The following STARD9 variants were observed in gnomAD, a reference collection of about 807,000 sequenced individuals.
STARD9 encodes stAR-related lipid transfer protein 9.
STARD9 carries 346 observed loss-of-function variants against 399.8 expected under a neutral mutation model. The observed-to-expected ratio is 0.87, with a 90% confidence interval of 0.79 to 0.95. The LOEUF (loss-of-function observed/expected upper bound fraction) is 0.95. Among genes scored for constraint, STARD9 ranks in the 40% least tolerant of loss-of-function variants. The pLI is 0.00. For synonymous variants in STARD9, 2,203 were observed against 2,143.5 expected (o/e 1.03, Z -0.77); for missense variants, 5,832 against 5,667.5 (o/e 1.03, Z -0.93).
intron 3 of STARD9, among the ~76,000 whole-genome samples, chr15:42,626,589 C>A (rs1369531727): frequency 6.6e-6 from 1 of 151,996 alleles, no homozygotes; most frequent in African/African-American, 2.4e-5. Context: ...CAGCCTCCGC[C>A]TCCCGGGTTC....
chr15:42,623,000 C>G (rs780137070), intron 3 of STARD9, among the ~76,000 whole-genome samples: 2 of 152,132 alleles, frequency 1.3e-5, no homozygotes, highest in Non-Finnish European at 2.9e-5. Flanking sequence ...GCCTGTAATC[C>G]CAGCACTTTG....
intron 26 of STARD9, among the ~76,000 whole-genome samples, chr15:42,703,548 T>A (rs1166471049): frequency 6.9e-6 from 1 of 144,936 alleles, no homozygotes; most frequent in African/African-American, 2.6e-5. Context: ...TTTTTTTTTG[T>A]ATTTTTAGTA....
At chr15:42,594,061 G>A (rs543405408) in intron 3 of STARD9, among the ~76,000 whole-genome samples, 329 of 152,112 alleles carry the variant, frequency 2.2e-3, no homozygotes, top group Middle Eastern at 0.01. Flanking sequence ...AAGGAGCCCT[G>A]AGAGAGAGTG....
chr15:42,665,567 G>A (rs1440492956), intron 14 of STARD9, among the ~76,000 whole-genome samples: 9 of 152,190 alleles, frequency 5.9e-5, no homozygotes. Flanking sequence ...TCCTTGCCCT[G>A]TGTGGGCAGG....
chr15:42,626,394 TCCTC>T (rs1317932351), intron 3 of STARD9, among the ~76,000 whole-genome samples: 201 of 149,300 alleles, frequency 1.3e-3, no homozygotes, highest in African/African-American at 4.9e-3. Context: ...CTCTTCCTCT[TCCTC>T]CTCCTCTTCT....
intron 3 of STARD9, among the ~76,000 whole-genome samples, chr15:42,605,400 C>T (rs2058707087): frequency 6.6e-6 from 1 of 152,102 alleles, no homozygotes; most frequent in African/African-American, 2.4e-5. Context: ...CAAATGGTGA[C>T]CAGATGTGCC....
At chr15:42,609,296 C>T (rs1311985226) in intron 3 of STARD9, among the ~76,000 whole-genome samples, 1 of 152,212 alleles carries the variant, frequency 6.6e-6, no homozygotes, top group Admixed American at 6.5e-5. Context: ...CAAGTCCTCT[C>T]TCTAACCCTG....
intron 26 of STARD9, among the ~76,000 whole-genome samples, chr15:42,701,749 C>A (rs777870405): frequency 2.5e-4 from 38 of 152,060 alleles, no homozygotes; most frequent in Non-Finnish European, 5.3e-4. Flanking sequence ...AATCCCAGCA[C>A]TTTGGGAGGC....
chr15:42,687,539 C>T lies in STARD9; in HGVS notation c.5961C>T (p.Pro1987=), dbSNP rs1257929773. The T allele has an allele frequency of 5.9e-6, 9 of 1,536,936 alleles. No homozygotes were observed. Among genetic ancestry groups the T allele is most frequent in the Non-Finnish European group, 7.8e-6 (9 of 1,146,832 alleles). The change falls in exon 23 of 33, where the codon CCC becomes CCT. Residue 1987 remains proline (P), a synonymous_variant. Coordinates refer to ENST00000290607, the MANE Select transcript of STARD9 (RefSeq NM_020759.3). The stretch of plus-strand genomic sequence containing the variant: ...GGCTTCTTGAAAAAGGTCTTCGTCC[C>T]AAAGATAGCTCAGAAGAGTTTAAGC... ...ETGLLEKGLR[P]KDSSEEFKLP...
chr15:42,615,608 A>G (rs1264190498), intron 3 of STARD9, among the ~76,000 whole-genome samples: 2 of 151,590 alleles, frequency 1.3e-5, no homozygotes, highest in African/African-American at 2.4e-5. Context: ...GTGTGTGTTT[A>G]TGATTATGAC....
chr15:42,694,199 A>G lies in STARD9; in HGVS notation c.12621A>G (p.Ser4207=), dbSNP rs866459535. The part of the protein sequence containing the change: ...IPLQVGAQNL[S]LSVELTEAKL... ...TGCAAGTTGGGGCCCAGAACCTCTC[A>G]CTCAGCGTGGAACTCACAGAAGCGA... Residue 4207 remains serine (S), a synonymous_variant, in exon 23 of 33, where the codon TCA becomes TCG. Transcript: ENST00000290607. The G allele has an allele frequency of 1.2e-5, 18 of 1,535,844 alleles. No individual in the cohort carries two copies. The Middle Eastern group carries it at 2.2e-3, about 185-fold the overall frequency.
chr15:42,718,444 T>G lies in STARD9; in HGVS notation c.13772T>G (p.Val4591Gly). ...ATCCCTGTCCCTCCAGTGTACTTGG[T>G]GTGCAACACCACCCTGTGCGCACTG... The part of the protein sequence containing the change: ...VTNSISLVYL[V>G]CNTTLCALKQ... The change falls in exon 31 of 33, where the codon GTG (valine) becomes GGG (glycine). Residue 4591 changes from valine (V) to glycine (G), a missense_variant. Val to Gly is a moderately radical substitution (Grantham distance 109). Around this residue, in one of 2 missense-constraint regions of STARD9, gnomAD observed 5,828 missense variants for 5,651.1 expected, o/e 1.03. Coordinates refer to ENST00000290607, the MANE Select transcript of STARD9 (RefSeq NM_020759.3). The G allele has an allele frequency of 1.3e-6, 2 of 1,537,038 alleles. No homozygotes were observed. The highest frequency in any genetic ancestry group is 1.7e-6 in the Non-Finnish European group (2 of 1,146,730).
intron 29 of STARD9, 31 bp from the exon 30 acceptor site, chr15:42,717,942 CCTTT>C: frequency 6.5e-7 from 1 of 1,532,510 alleles, no homozygotes; most frequent in Non-Finnish European, 8.8e-7. Flanking sequence ...ATTTTTGACC[CCTTT>C]CTATTTTCTG....
chr15:42,681,678 C>T (rs992614376), intron 21 of STARD9, 66 bp downstream of exon 21: 1 of 1,341,056 alleles, frequency 7.5e-7, no homozygotes, highest in South Asian at 1.5e-5. Context: ...GCTTCCTCAG[C>T]CTTCTGTATT....
chr15:42,644,537 G>A (rs1357926680), intron 7 of STARD9, among the ~76,000 whole-genome samples: 1 of 151,852 alleles, frequency 6.6e-6, no homozygotes, highest in African/African-American at 2.4e-5. Flanking sequence ...ATACTTTATT[G>A]CTAAAAAATG....
At chr15:42,619,624 G>C (rs1197419821) in intron 3 of STARD9, among the ~76,000 whole-genome samples, 1 of 152,134 alleles carries the variant, frequency 6.6e-6, no homozygotes. Flanking sequence ...AGTTTAATAG[G>C]GTTCACACTC....
rs888919623 is a variant in STARD9, at chr15:42,686,896, C to A, written c.5318C>A (p.Ser1773Tyr). 6.5e-7 allele frequency: 1 copy of A among 1,536,828 alleles called. No homozygotes were observed. The highest frequency in any genetic ancestry group is 8.7e-7 in the Non-Finnish European group (1 of 1,146,844). Residue 1773 changes from serine (S) to tyrosine (Y), a missense_variant, in exon 23 of 33, where the codon TCC becomes TAC. Ser to Tyr is a moderately radical substitution (Grantham distance 144). Coordinates refer to ENST00000290607, the MANE Select transcript of STARD9 (RefSeq NM_020759.3). ...IPACREVRVP[S>Y]PPPREAWGFG... ...GCTTGCAGAGAAGTAAGGGTACCCTCCCCACCCCCCAGGGAAGCCTGGGGC... is the reference window on the plus strand; with the variant it reads ...GCTTGCAGAGAAGTAAGGGTACCCTACCCACCCCCCAGGGAAGCCTGGGGC...
chr15:42,639,687 A>C (rs2059494457), intron 7 of STARD9, among the ~76,000 whole-genome samples: 1 of 152,048 alleles, frequency 6.6e-6, no homozygotes, highest in African/African-American at 2.4e-5. Flanking sequence ...ACATGGTGAA[A>C]CCTTATCTCT....
chr15:42,659,935 T>C (rs150051531), intron 9 of STARD9, among the ~76,000 whole-genome samples: 3 of 152,292 alleles, frequency 2.0e-5, no homozygotes, highest in Non-Finnish European at 2.9e-5. Context: ...ATAACTGTTA[T>C]TTGTAATTAC....
Sources: allele counts gnomAD v4.1 joint callset (sites outside exome capture counted in the v4.1 genomes callset), GRCh38; gene constraint gnomAD v4.1.1; regional missense constraint gnomAD v4.1.1; transcripts MANE v1.5; gene names NCBI Gene and HGNC (gene_info 2026-07-23, HGNC 2026-07-21).